Variants in DEFB123 observed in about 807,000 individuals in gnomAD.
DEFB123 encodes the protein defensin beta 123, also known as beta-defensin 123.
For synonymous variants in DEFB123, 22 were observed against 28.3 expected, an observed-to-expected ratio of 0.78 and a Z score of 0.71; for missense variants, 71 against 75.0, an observed-to-expected ratio of 0.95 and a Z score of 0.20.
At chr20:31,448,490 G>T (rs1296896722) in intron 1 of DEFB123, among the ~76,000 whole-genome samples, 1 of 151,688 alleles carries the variant, frequency 6.6e-6, no homozygotes, top group African/African-American at 2.4e-5. Flanking sequence ...TTATATGCAT[G>T]TTAGACTACT....
At chr20:31,443,914 G>T (rs1463905693) in intron 1 of DEFB123, among the ~76,000 whole-genome samples, 2 of 152,184 alleles carry the variant, frequency 1.3e-5, no homozygotes, top group Non-Finnish European at 2.9e-5. Context: ...TGATGAAGTG[G>T]TATTGTCTGA....
intron 1 of DEFB123, among the ~76,000 whole-genome samples, chr20:31,447,780 C>CTTTTTTTTTTTT (rs34763122): frequency 4.7e-5 from 3 of 64,470 alleles, no homozygotes; most frequent in Admixed American, 2.6e-4. Flanking sequence ...ACACACCCGG[C>CTTTTTTTTTTTT]TTTTTTTTTT....
chr20:31,448,066 G>A (rs6141980), intron 1 of DEFB123, among the ~76,000 whole-genome samples: 68,642 of 151,592 alleles, frequency 0.45, 17,470 homozygotes, highest in East Asian at 0.73. Context: ...GATTACAGGC[G>A]TGAGCCACCA....
chr20:31,449,610 A>T (rs1208385282), intron 1 of DEFB123, among the ~76,000 whole-genome samples: 1 of 151,940 alleles, frequency 6.6e-6, no homozygotes, highest in Admixed American at 6.6e-5. Flanking sequence ...GCACTTAAAG[A>T]CTACAGGGTG....
rs370171793 is a variant in DEFB123 at position 31,440,931 on chromosome 20, G to A, written c.58+175G>A. Among the ~76,000 whole-genome samples, 7 of 152,306 alleles carry A rather than the reference G, an allele frequency of 4.6e-5. No individual in the cohort carries two copies. In the East Asian group the frequency reaches 1.2e-3, roughly 25 times the overall value. On this transcript the variant is annotated intron_variant, in intron 1 of 1. Transcript: ENST00000376309. ...ATAGATGACAACTACAACATCCAGAGCTGCTCTCTCAGCGGCTCCATCCCT... is the reference window on the plus strand; with the variant it reads ...ATAGATGACAACTACAACATCCAGAACTGCTCTCTCAGCGGCTCCATCCCT...
rs568833559 is a variant in DEFB123, at chr20:31,445,648, T to A, written c.59-4381T>A. 2.0e-5 allele frequency among the ~76,000 whole-genome samples: 3 copies of A among 152,246 alleles called. No individual in the cohort carries two copies. In the East Asian group the frequency reaches 5.8e-4, roughly 29 times the overall value. ...TCCACCTCCCAGGTTCAAACAATTC[T>A]CCTGCCTCAGCCTCCCAAGTAGCTG... On this transcript the variant is annotated intron_variant, in intron 1 of 1. Transcript: ENST00000376309.
At chr20:31,449,530 T>G (rs1979682491) in intron 1 of DEFB123, among the ~76,000 whole-genome samples, 1 of 152,094 alleles carries the variant, frequency 6.6e-6, no homozygotes, top group Non-Finnish European at 1.5e-5. Flanking sequence ...TCTGCTTACT[T>G]CTTTTTGGTG....
chr20:31,441,206 G>A (rs573738840), intron 1 of DEFB123, among the ~76,000 whole-genome samples: 17 of 152,198 alleles, frequency 1.1e-4, no homozygotes, highest in Non-Finnish European at 2.1e-4. Flanking sequence ...ATGACATGGT[G>A]CCAGGGGAAC....
chr20:31,446,164 G>A (rs1979580866), intron 1 of DEFB123, among the ~76,000 whole-genome samples: 1 of 152,182 alleles, frequency 6.6e-6, no homozygotes, highest in Non-Finnish European at 1.5e-5. Flanking sequence ...ACCAAACGAA[G>A]AAACAAATAG....
chr20:31,443,582 G>T (rs1979516543), intron 1 of DEFB123, among the ~76,000 whole-genome samples: 1 of 152,164 alleles, frequency 6.6e-6, no homozygotes, highest in Admixed American at 6.5e-5. Flanking sequence ...AGACTCTCTT[G>T]CCCCTACCTT....
intron 1 of DEFB123, among the ~76,000 whole-genome samples, chr20:31,446,889 G>C (rs1979598173): frequency 6.6e-6 from 1 of 151,222 alleles, no homozygotes; most frequent in East Asian, 1.9e-4. Context: ...AGAGTCTGCA[G>C]TGAGCCGAGA....
chr20:31,450,189 G>C lies in DEFB123; in HGVS notation c.*15G>C. The C allele has an allele frequency of 6.3e-7, 1 of 1,591,524 alleles. No homozygotes were observed. Among genetic ancestry groups the C allele is most frequent in the Non-Finnish European group, 8.5e-7 (1 of 1,171,712 alleles). ...GGCCATTTTAACTGCTTTGAAGCCT[G>C]AAGCCATGAAAATGCAGATGAAGCT... is the stretch of plus-strand genomic sequence containing the variant. On this transcript the variant is annotated 3_prime_UTR_variant, in exon 2 of 2. Transcript: ENST00000376309.
At chr20:31,449,929 A>C in intron 1 of DEFB123, 100 bp from the exon 2 acceptor site, 3 of 1,381,494 alleles carry the variant, frequency 2.2e-6, no homozygotes, top group Non-Finnish European at 2.9e-6. Flanking sequence ...GAAACAAGGG[A>C]CCTTCTATCT....
intron 1 of DEFB123, among the ~76,000 whole-genome samples, chr20:31,443,819 A>G (rs1215849771): frequency 6.6e-6 from 1 of 152,102 alleles, no homozygotes; most frequent in African/African-American, 2.4e-5. Context: ...TTTCCCCTCT[A>G]CTTCCTGTTG....
chr20:31,444,926 T>C (rs1346265494), intron 1 of DEFB123, among the ~76,000 whole-genome samples: 1 of 151,942 alleles, frequency 6.6e-6, no homozygotes. Flanking sequence ...TACAGTCTCA[T>C]TGCTAGGGGG....
At chr20:31,441,170 G>A (rs1237740594) in intron 1 of DEFB123, among the ~76,000 whole-genome samples, 4 of 152,208 alleles carry the variant, frequency 2.6e-5, no homozygotes, top group African/African-American at 7.2e-5. Context: ...CAGACTCTGC[G>A]CTGGAAGCTA....
intron 1 of DEFB123, among the ~76,000 whole-genome samples, chr20:31,448,172 C>T (rs1291770687): frequency 3.3e-5 from 5 of 152,056 alleles, no homozygotes; most frequent in Admixed American, 2.6e-4. Context: ...ATCTCAGCCT[C>T]CCAAAGTGCT....
At position 31,440,756 on chromosome 20, in the gene DEFB123, G is replaced by C. The variant is rs780991334; in HGVS notation, c.58G>C (p.Gly20Arg). 1 of 1,613,398 alleles carries C rather than the reference G, an allele frequency of 6.2e-7. No homozygotes were observed. Among genetic ancestry groups the C allele is most frequent in the Non-Finnish European group, 8.5e-7 (1 of 1,180,036 alleles). ...VLLLLSQLTP[G>R]GTQRCWNLYG... Reference sequence around the variant, plus strand: ...GCTGCTCTTATCCCAGCTGACTCCAGGTAACCTGAACCTCCTTAAGGAAGG... The same window carrying C: ...GCTGCTCTTATCCCAGCTGACTCCACGTAACCTGAACCTCCTTAAGGAAGG... The change falls in exon 1 of 2, where the codon GGT becomes CGT. Residue 20 changes from glycine to arginine, a missense_variant and splice_region_variant. Gly to Arg is a moderately radical substitution (Grantham distance 125). Coordinates refer to ENST00000376309, the MANE Select transcript of DEFB123 (RefSeq NM_153324.4).
At chr20:31,441,206 G>C (rs573738840) in intron 1 of DEFB123, among the ~76,000 whole-genome samples, 1 of 152,200 alleles carries the variant, frequency 6.6e-6, no homozygotes, top group Non-Finnish European at 1.5e-5. Flanking sequence ...ATGACATGGT[G>C]CCAGGGGAAC....
Sources: gnomAD v4.1 joint callset for allele counts (sites outside exome capture counted in the v4.1 genomes callset) on GRCh38, gnomAD v4.1.1 for gene constraint, MANE v1.5 for transcripts, NCBI Gene and HGNC (gene_info 2026-07-23, HGNC 2026-07-21) for gene names.